Variants in LYRM9 observed in about 807,000 individuals in gnomAD.
The protein encoded by LYRM9 is LYR motif containing 9.
A neutral mutation model predicts 12.6 loss-of-function variants in LYRM9; 14 were observed. The ratio of observed to expected loss-of-function variants is 1.11; its 90% CI spans 0.73 to 1.73. The LOEUF (loss-of-function observed/expected upper bound fraction) is 1.73, where lower values mean the gene tolerates loss of function less well. Among genes scored for constraint, LYRM9 ranks in the 40% most tolerant of loss-of-function variants. LYRM9 has a pLI of 0.00. For missense variants in LYRM9, 94 were observed against 95.0 expected, an observed-to-expected ratio of 0.99 and a Z score of 0.04; for synonymous variants, 42 against 35.1, an observed-to-expected ratio of 1.20 and a Z score of -0.69.
chr17:27,884,350 C>A (rs1163121095), intron 1 of LYRM9, among the ~76,000 whole-genome samples: 5 of 152,258 alleles, frequency 3.3e-5, no homozygotes, highest in Non-Finnish European at 7.3e-5. Context: ...CCAGTCTCCT[C>A]CACACTGACA....
intron 1 of LYRM9, among the ~76,000 whole-genome samples, chr17:27,889,433 C>T (rs1905350831): frequency 6.6e-6 from 1 of 151,956 alleles, no homozygotes; most frequent in Non-Finnish European, 1.5e-5. Context: ...TCAGCCTCCC[C>T]AGTAGCTGGG....
At position 27,880,312 on chromosome 17, in the gene LYRM9, T is replaced by C; in HGVS notation, c.181A>G (p.Lys61Glu). Residue 61 changes from lysine (K) to glutamate (E), a missense_variant, in exon 3 of 4, where the codon AAA becomes GAA. Coordinates refer to ENST00000379102, the MANE Select transcript of LYRM9 (RefSeq NM_001076680.3). The stretch of plus-strand genomic sequence containing the variant: ...CAGTCAGCATCTTCAATGGCTCTTT[T>C]AATAATCTGCTGGATTCTCTCAGGG... ...DNPERIQQII[K>E]RAIEDADWIM... The C allele has an allele frequency of 1.2e-6, 2 of 1,610,740 alleles. No homozygotes were observed. The highest frequency in any genetic ancestry group is 2.2e-5 in the East Asian group (1 of 44,816).
At chr17:27,889,945 G>A (rs2060310182) in intron 1 of LYRM9, among the ~76,000 whole-genome samples, 2 of 152,134 alleles carry the variant, frequency 1.3e-5, no homozygotes, top group South Asian at 2.1e-4. Context: ...TCCAGGGAAT[G>A]AGTAGGACAT....
At chr17:27,881,969 G>A (rs1285033773) in intron 2 of LYRM9, among the ~76,000 whole-genome samples, 1 of 152,110 alleles carries the variant, frequency 6.6e-6, no homozygotes, top group East Asian at 1.9e-4. Context: ...ATGTTGCCCA[G>A]GTTGGTCTTG....
chr17:27,884,825 A>G (rs1409822188), intron 1 of LYRM9, among the ~76,000 whole-genome samples: 1 of 105,208 alleles, frequency 9.5e-6, no homozygotes, highest in Non-Finnish European at 2.1e-5. Flanking sequence ...AAAGGAACAT[A>G]TAAGAAAAAA....
In LYRM9 at chr17:27,882,686, C is replaced by G; in HGVS notation, c.9G>C (p.Pro3=). Residue 3 remains proline, a synonymous_variant, in exon 2 of 4, where the codon CCG becomes CCC. Coordinates refer to ENST00000379102, the MANE Select transcript of LYRM9 (RefSeq NM_001076680.3). MA[P]LPGAELVRRP... ...TCCGAACCAGTTCTGCTCCTGGCAG[C>G]GGGGCCATCCGTGAGACCCTCTGTC... 2 of 1,600,728 alleles carry G rather than the reference C, an allele frequency of 1.2e-6. No individual in the cohort carries two copies. Among genetic ancestry groups the G allele is most frequent in the Non-Finnish European group, 1.7e-6 (2 of 1,173,686 alleles).
In LYRM9 at chr17:27,883,835, T is replaced by TAAAAAAAAAAA. The variant is rs781375467; in HGVS notation, c.-18-1134_-18-1124dup. ...GCAGTCTGGCTCCAGAGCCTTTTTCTAAAAAAAAAAAAAAAAAAAAAAAAA... is the reference window on the plus strand; with the variant it reads ...GCAGTCTGGCTCCAGAGCCTTTTTCTAAAAAAAAAAAAAAAAAAAAAAAAAAAAAAAAAAAA... On this transcript the variant is annotated intron_variant, in intron 1 of 3. Coordinates refer to ENST00000379102, the MANE Select transcript of LYRM9 (RefSeq NM_001076680.3). 5.3e-4 allele frequency among the ~76,000 whole-genome samples: 13 copies of TAAAAAAAAAAA among 24,574 alleles called. 2 individuals are homozygous for TAAAAAAAAAAA. The highest frequency in any genetic ancestry group is 1.5e-3 in the African/African-American group (12 of 8,064). The allele number at this position is 24,574 out of a possible 152,430, so 16.1% of individuals were successfully genotyped here.
At chr17:27,888,814 G>T (rs1424976474) in intron 1 of LYRM9, among the ~76,000 whole-genome samples, 1 of 152,118 alleles carries the variant, frequency 6.6e-6, no homozygotes, top group Non-Finnish European at 1.5e-5. Flanking sequence ...GCTCCAAGTG[G>T]CAGGAAACTC....
rs1381840375 is a variant in LYRM9, at chr17:27,879,420, A to G, written c.*53T>C. ...AAACCAGCTGCTGCTGCTGAGCTCC[A>G]GAAGAGGGGCCTCTCAACTTCCAGA... On this transcript the variant is annotated 3_prime_UTR_variant, in exon 4 of 4. Transcript: ENST00000379102. The G allele has an allele frequency of 1.3e-6, 2 of 1,538,664 alleles. No homozygotes were observed. The highest frequency in any genetic ancestry group is 1.4e-5 in the African/African-American group (1 of 72,422).
chr17:27,893,249 C>G (rs1905519479), intron 1 of LYRM9, 68 bp downstream of exon 1: 1 of 153,058 alleles, frequency 6.5e-6, no homozygotes, highest in African/African-American at 2.4e-5. Flanking sequence ...CCCCCGCCAC[C>G]CAGTGGCTCC....
At chr17:27,879,838 T>TC (rs1260410257) in intron 3 of LYRM9, 2 of 562,514 alleles carry the variant, frequency 3.6e-6, no homozygotes, top group Non-Finnish European at 6.3e-6. Context: ...CATTCCTGAC[T>TC]CACTCCCTTC....
rs1249321202 is a variant in LYRM9, at chr17:27,882,930, G to C, written c.-18-218C>G. On this transcript the variant is annotated intron_variant, in intron 1 of 3. Transcript: ENST00000379102. Reference sequence around the variant, plus strand: ...ACAAGACCAAAGGTGAGTGTGGAGGGAGACTTACAGCCTCATCCCTGGCGT... The same window carrying C: ...ACAAGACCAAAGGTGAGTGTGGAGGCAGACTTACAGCCTCATCCCTGGCGT... The C allele has an allele frequency of 4.6e-6, 3 of 649,110 alleles. No individual in the cohort carries two copies. In the Admixed American group the frequency reaches 6.3e-5, roughly 14 times the overall value. 40.2% of individuals were successfully genotyped at this position (649,110 alleles called of 1,614,324 possible). A position where few individuals can be genotyped will look rare whatever the true frequency, so the allele number is the denominator to read the frequency against.
chr17:27,882,772 C>A lies in LYRM9; in HGVS notation c.-18-60G>T, dbSNP rs1567663307. On this transcript the variant is annotated intron_variant, in intron 1 of 3. Coordinates refer to ENST00000379102, the MANE Select transcript of LYRM9 (RefSeq NM_001076680.3). Reference sequence around the variant, plus strand: ...AGCCAAGTTCAGTACTCAGCCCTGACCCCCAGTTCCCAGTACTCTGGGAAG... The same window carrying A: ...AGCCAAGTTCAGTACTCAGCCCTGAACCCCAGTTCCCAGTACTCTGGGAAG... 2.0e-6 allele frequency: 3 copies of A among 1,479,480 alleles called. No homozygotes were observed. The Admixed American group carries it at 6.6e-5, about 33-fold the overall frequency. 91.6% of individuals were successfully genotyped at this position (1,479,480 alleles called of 1,614,324 possible). A position where few individuals can be genotyped will look rare whatever the true frequency, so the allele number is the denominator to read the frequency against.
At position 27,882,683 on chromosome 17, in the gene LYRM9, C is replaced by A; in HGVS notation, c.12G>T (p.Leu4=). The part of the protein sequence containing the change: MAP[L]PGAELVRRPL... ...GCCTCCGAACCAGTTCTGCTCCTGG[C>A]AGCGGGGCCATCCGTGAGACCCTCT... The change falls in exon 2 of 4, where the codon CTG becomes CTT. Residue 4 remains leucine, a synonymous_variant. Coordinates refer to ENST00000379102, the MANE Select transcript of LYRM9 (RefSeq NM_001076680.3). 1 of 1,602,412 alleles carries A rather than the reference C, an allele frequency of 6.2e-7. No homozygotes were observed. Among genetic ancestry groups the A allele is most frequent in the Non-Finnish European group, 8.5e-7 (1 of 1,174,574 alleles).
rs541403948 is a variant in LYRM9, at chr17:27,879,316, C to T, written c.*157G>A. ...ATAAAGGATGCTAGCAACATGGCCG[C>T]GGCAAGAGGAGCCTCTGGAGCAAGG... On this transcript the variant is annotated 3_prime_UTR_variant, in exon 4 of 4. Coordinates refer to ENST00000379102, the MANE Select transcript of LYRM9 (RefSeq NM_001076680.3). 109 of 658,378 alleles carry T rather than the reference C, an allele frequency of 1.7e-4. No individual in the cohort carries two copies. The African/African-American group carries it at 1.7e-3, about 10-fold the overall frequency. The allele number at this position is 658,378 out of a possible 1,614,324, so 40.8% of individuals were successfully genotyped here.
At chr17:27,883,087 G>A (rs756282830) in intron 1 of LYRM9, 72 of 469,340 alleles carry the variant, frequency 1.5e-4, no homozygotes, top group Non-Finnish European at 2.8e-4. Context: ...ATGGTCTGGC[G>A]AGGGCACCAA....
chr17:27,888,092 C>T (rs1272201465), intron 1 of LYRM9, among the ~76,000 whole-genome samples: 1 of 152,232 alleles, frequency 6.6e-6, no homozygotes, highest in Non-Finnish European at 1.5e-5. Flanking sequence ...ATACCTGGGC[C>T]TCCTGTGGCC....
chr17:27,879,557 C>A (rs1051646565), intron 3 of LYRM9, 67 bp from the exon 4 acceptor site: 4 of 1,524,330 alleles, frequency 2.6e-6, no homozygotes, highest in South Asian at 1.2e-5. Flanking sequence ...CTGGAGAAAT[C>A]TCAGGCCTCC....
intron 1 of LYRM9, among the ~76,000 whole-genome samples, chr17:27,888,627 A>C (rs1905316127): frequency 6.6e-6 from 1 of 152,234 alleles, no homozygotes; most frequent in Non-Finnish European, 1.5e-5. Context: ...CACAGAGAGA[A>C]GAGTGAGGAA....
Sources: gnomAD v4.1 joint callset for allele counts (sites outside exome capture counted in the v4.1 genomes callset) on GRCh38, gnomAD v4.1.1 for gene constraint, MANE v1.5 for transcripts, NCBI Gene and HGNC (gene_info 2026-07-23, HGNC 2026-07-21) for gene names.